DPP10: variants seen among roughly 807,000 people sequenced by gnomAD.
DPP10 encodes the protein inactive dipeptidyl peptidase 10.
In DPP10, 33 loss-of-function variants were observed where a neutral mutation model predicts 120.9. The ratio of observed to expected loss-of-function variants is 0.27; its 90% confidence interval spans 0.21 to 0.37. The LOEUF is 0.37. DPP10 is among the 10% of genes least tolerant of loss of function. The pLI is 1.00. For missense variants in DPP10, 816 were observed against 942.8 expected, an observed-to-expected ratio of 0.87 and a Z score of 1.76; for synonymous variants, 337 against 326.1, an observed-to-expected ratio of 1.03 and a Z score of -0.36.
At chr2:115,686,982 C>T (rs997441248) in intron 5 of DPP10, among the ~76,000 whole-genome samples, 1 of 151,918 alleles carries the variant, frequency 6.6e-6, no homozygotes, top group East Asian at 1.9e-4. Context: ...TGATTTTACC[C>T]TCTCGTCATG....
intron 1 of DPP10, among the ~76,000 whole-genome samples, chr2:114,550,092 G>A (rs1028335194): frequency 2.6e-5 from 4 of 152,172 alleles, no homozygotes; most frequent in African/African-American, 9.6e-5. Context: ...CCTGTCTATT[G>A]CCACTGCCTT....
chr2:114,911,637 A>C (rs534041361), intron 1 of DPP10, among the ~76,000 whole-genome samples: 1 of 152,354 alleles, frequency 6.6e-6, no homozygotes, highest in African/African-American at 2.4e-5. Flanking sequence ...AGCCAAGACA[A>C]AGCTTGGCAG....
At position 115,007,288 on chromosome 2, in the gene DPP10, C is replaced by G. The variant is rs1033689036; in HGVS notation, c.61-301951C>G. Among the ~76,000 whole-genome samples, 146 of 152,248 alleles carry G rather than the reference C, an allele frequency of 9.6e-4. 1 individual carries two copies. In the Middle Eastern group the frequency reaches 0.02, roughly 21 times the overall value. ...GTTCAATATACGCAAATCAATAAATCTAATCCAGCATATAAACAGAGCCAA... is the reference window on the plus strand; with the variant it reads ...GTTCAATATACGCAAATCAATAAATGTAATCCAGCATATAAACAGAGCCAA... On this transcript the variant is annotated intron_variant, in intron 1 of 25. Transcript: ENST00000410059.
intron 1 of DPP10, among the ~76,000 whole-genome samples, chr2:114,775,023 C>G (rs547948979): frequency 6.6e-6 from 1 of 151,956 alleles, no homozygotes; most frequent in Non-Finnish European, 1.5e-5. Context: ...CTAAGATAAC[C>G]CAACCAGTAA....
At chr2:115,634,611 G>A (rs1243018382) in intron 5 of DPP10, among the ~76,000 whole-genome samples, 4 of 152,072 alleles carry the variant, frequency 2.6e-5, no homozygotes, top group African/African-American at 9.7e-5. Context: ...TGTACCAGAG[G>A]GGCACTGACC....
At chr2:115,713,369 T>C (rs2092392418) in intron 7 of DPP10, among the ~76,000 whole-genome samples, 1 of 152,150 alleles carries the variant, frequency 6.6e-6, no homozygotes. Flanking sequence ...GGTTTTGGAA[T>C]GCTGAATGGA....
At chr2:115,075,628 T>C (rs969352475) in intron 1 of DPP10, among the ~76,000 whole-genome samples, 16 of 152,152 alleles carry the variant, frequency 1.1e-4, no homozygotes, top group Admixed American at 7.9e-4. Context: ...GAATCTCTGA[T>C]AGCAGTTTTC....
chr2:115,229,519 T>A (rs1238205127), intron 1 of DPP10, among the ~76,000 whole-genome samples: 2 of 152,156 alleles, frequency 1.3e-5, no homozygotes, highest in African/African-American at 4.8e-5. Flanking sequence ...TAGTTTGAGG[T>A]CTTAGATTTT....
At chr2:114,956,904 C>T (rs2104685362) in intron 1 of DPP10, among the ~76,000 whole-genome samples, 1 of 150,696 alleles carries the variant, frequency 6.6e-6, no homozygotes, top group East Asian at 2.0e-4. Context: ...TGAAGTTAGA[C>T]CCTTTTCTCA....
At chr2:115,184,409 A>G (rs1399093282) in intron 1 of DPP10, among the ~76,000 whole-genome samples, 2 of 152,202 alleles carry the variant, frequency 1.3e-5, no homozygotes, top group East Asian at 3.9e-4. Flanking sequence ...AGTTGCGTGA[A>G]TATCTGTAGA....
At chr2:114,917,674 T>C (rs1476443748) in intron 1 of DPP10, among the ~76,000 whole-genome samples, 2 of 152,090 alleles carry the variant, frequency 1.3e-5, no homozygotes, top group Non-Finnish European at 2.9e-5. Flanking sequence ...CCATCAGATC[T>C]TTCACAAAGC....
chr2:115,617,336 A>T (rs2084597151), intron 5 of DPP10, among the ~76,000 whole-genome samples: 2 of 148,128 alleles, frequency 1.4e-5, no homozygotes, highest in South Asian at 4.2e-4. Context: ...GTATACATAT[A>T]TGCTATGAAA....
At chr2:115,386,479 A>G (rs143138310) in intron 3 of DPP10, among the ~76,000 whole-genome samples, 1 of 152,354 alleles carries the variant, frequency 6.6e-6, no homozygotes, top group Non-Finnish European at 1.5e-5. Context: ...ATTGTTGTGT[A>G]GGGAAATGAC....
Position 114,743,524 on chromosome 2 carries a change from A to G in DPP10, c.60+300686A>G, listed in dbSNP as rs1007392283. Reference sequence around the variant, plus strand: ...CACAGATACAATTATTACAACCTCTATAAGTGAAAATAAGCAATATTCCCA... The same window carrying G: ...CACAGATACAATTATTACAACCTCTGTAAGTGAAAATAAGCAATATTCCCA... On this transcript the variant is annotated intron_variant, in intron 1 of 25. Transcript: ENST00000410059. Among the ~76,000 whole-genome samples the G allele has an allele frequency of 3.9e-5, 6 of 152,292 alleles. No individual in the cohort carries two copies. In the East Asian group the frequency reaches 9.7e-4, roughly 25 times the overall value.
intron 1 of DPP10, among the ~76,000 whole-genome samples, chr2:114,647,311 G>A (rs1696215728): frequency 6.6e-6 from 1 of 152,134 alleles, no homozygotes; most frequent in African/African-American, 2.4e-5. Context: ...AACTGAATGT[G>A]TTTAATCTAG....
intron 1 of DPP10, among the ~76,000 whole-genome samples, chr2:115,221,294 A>G (rs1389372767): frequency 2.0e-5 from 3 of 152,164 alleles, no homozygotes; most frequent in Non-Finnish European, 4.4e-5. Flanking sequence ...TCTTTAGGGT[A>G]GTGTAGTCCC....
chr2:115,039,656 C>T (rs946044969), intron 1 of DPP10, among the ~76,000 whole-genome samples: 8 of 152,084 alleles, frequency 5.3e-5, no homozygotes, highest in African/African-American at 1.9e-4. Context: ...CTTTTATAAG[C>T]ATGAATGATT....
intron 1 of DPP10, among the ~76,000 whole-genome samples, chr2:114,855,106 G>A (rs887961356): frequency 3.0e-4 from 46 of 152,160 alleles, no homozygotes; most frequent in African/African-American, 1.0e-3. Flanking sequence ...GTTCAAAAGA[G>A]GGAATGGTGG....
At chr2:115,748,976 TC>T (rs1316179461) in intron 10 of DPP10, among the ~76,000 whole-genome samples, 1 of 152,128 alleles carries the variant, frequency 6.6e-6, no homozygotes, top group Non-Finnish European at 1.5e-5. Context: ...TCATCACCAT[TC>T]AGTTTATCTT....
Sources: gnomAD v4.1 joint callset for allele counts (sites outside exome capture counted in the v4.1 genomes callset) on GRCh38, gnomAD v4.1.1 for gene constraint, MANE v1.5 for transcripts, NCBI Gene and HGNC (gene_info 2026-07-23, HGNC 2026-07-21) for gene names.